The following LRP3 variants were observed in gnomAD, a reference collection of about 807,000 sequenced individuals.
LRP3 encodes the protein LDL receptor related protein 3, also known as low-density lipoprotein receptor-related protein 3.
A neutral mutation model predicts 58.5 loss-of-function variants in LRP3; 49 were observed. That is an observed-to-expected ratio of 0.84 (90% CI 0.67 to 1.06). The LOEUF (loss-of-function observed/expected upper bound fraction) is 1.06. LRP3 is among the 50% of genes least tolerant of loss of function. The pLI is 0.00. For missense variants in LRP3, 1,019 were observed against 1,134.2 expected (o/e 0.90, Z 1.46); for synonymous variants, 485 against 492.2 (o/e 0.99, Z 0.20).
At position 33,207,549 on chromosome 19, in the gene LRP3, G is replaced by A. The variant is rs774094440; in HGVS notation, c.2287G>A (p.Asp763Asn). The A allele has an allele frequency of 2.2e-5, 36 of 1,604,692 alleles. No individual in the cohort carries two copies. Among genetic ancestry groups the A allele is most frequent in the Admixed American group, 3.3e-5 (2 of 59,946 alleles). ...PPCSPMLEAS[D>N]DEALLVC ...CTGCTCCCCAATGCTGGAGGCCAGC[G>A]ATGATGAGGCCCTGTTGGTCTGTTG... Residue 763 changes from aspartate (D) to asparagine (N), a missense_variant, in exon 7 of 7, where the codon GAT becomes AAT. By Grantham distance (23) the Asp-to-Asn change is conservative. This residue lies in a region of LRP3 where 427 missense variants were observed against 408.6 expected (regional missense o/e 1.04). Transcript: ENST00000253193.
rs1273939934 is a variant in LRP3 at position 33,206,330 on chromosome 19, C to T, written c.1560C>T (p.Phe520=). ...TGGTCATCGCGCTGGGCTGCGCCTT[C>T]AAGCTCTACTCACTGCGCACGCAGG... The part of the protein sequence containing the change: ...LLLVIALGCA[F]KLYSLRTQEY... Residue 520 remains phenylalanine (F), a synonymous_variant, in exon 5 of 7, where the codon TTC becomes TTT. Coordinates refer to ENST00000253193, the MANE Select transcript of LRP3 (RefSeq NM_002333.4). 2 of 1,601,184 alleles carry T rather than the reference C, an allele frequency of 1.2e-6. No individual in the cohort carries two copies. The highest frequency in any genetic ancestry group is 2.2e-5 in the South Asian group (2 of 90,602).
chr19:33,194,899 C>T (rs1486103868), intron 1 of LRP3, 41 bp downstream of exon 1: 1 of 1,037,046 alleles, frequency 9.6e-7, no homozygotes, highest in Non-Finnish European at 1.2e-6. Context: ...GGGTCCCCCG[C>T]ATGGCAGTCC....
intron 2 of LRP3, among the ~76,000 whole-genome samples, chr19:33,201,399 G>A (rs902042175): frequency 1.9e-4 from 29 of 149,112 alleles, no homozygotes; most frequent in African/African-American, 6.2e-4. Flanking sequence ...GTGAGAGATC[G>A]GAGAGGTCCG....
rs1156444637 is a variant in LRP3 at position 33,205,998 on chromosome 19, G to A, written c.1228G>A (p.Glu410Lys). The A allele has an allele frequency of 1.3e-6, 2 of 1,576,350 alleles. No homozygotes were observed. Among genetic ancestry groups the A allele is most frequent in the Non-Finnish European group, 1.7e-6 (2 of 1,161,340 alleles). The change falls in exon 5 of 7, where the codon GAG (glutamate) becomes AAG (lysine). Residue 410 changes from glutamate (E) to lysine (K), a missense_variant. Coordinates refer to ENST00000253193, the MANE Select transcript of LRP3 (RefSeq NM_002333.4). ...GWWHCASGRD[E>K]QGCPACPPDQ... ...GTGGCATTGTGCCAGCGGCCGAGAC[G>A]AGCAGGGCTGCCCTGCCTGCCCGCC... is the stretch of plus-strand genomic sequence containing the variant.
rs201999025 is a variant in LRP3, at chr19:33,206,102, C to G, written c.1332C>G (p.Pro444=). The G allele has an allele frequency of 5.0e-6, 8 of 1,609,062 alleles. No homozygotes were observed. In the Admixed American group the frequency reaches 1.2e-4, roughly 24 times the overall value. Residue 444 remains proline, a synonymous_variant, in exon 5 of 7, where the codon CCC becomes CCG. Coordinates refer to ENST00000253193, the MANE Select transcript of LRP3 (RefSeq NM_002333.4). ...ADRCNNQKSC[P]DGADEKNCFS... ...GCTGCAACAACCAGAAAAGCTGTCC[C>G]GACGGCGCCGACGAGAAGAACTGCT...
At position 33,204,708 on chromosome 19, in the gene LRP3, C is replaced by T; in HGVS notation, c.331C>T (p.Pro111Ser). The change falls in exon 4 of 7, where the codon CCA becomes TCA. Residue 111 changes from proline to serine, a missense_variant. Physicochemically the swap from Pro to Ser is moderately conservative, Grantham distance 74. This residue lies in a region of LRP3 where 592 missense variants were observed against 725.5 expected (regional missense o/e 0.82). Transcript: ENST00000253193. ...LDWLLLGPAA[P>S]PRQEAFRLCG... The stretch of plus-strand genomic sequence containing the variant: ...CTGGCTCCTGCTGGGCCCAGCAGCC[C>T]CACCCCGCCAGGAGGCCTTCCGCCT... 2.5e-6 allele frequency: 4 copies of T among 1,610,388 alleles called. No homozygotes were observed. The highest frequency in any genetic ancestry group is 3.4e-6 in the Non-Finnish European group (4 of 1,179,908).
chr19:33,206,229 C>CAT lies in LRP3; in HGVS notation c.1460_1461dup (p.Gly488MetfsTer51). ...AGACTGCCAGGACGGCAGCGATGAGCATGGGTGCCTGGCCGCCGTGCCCCG... is the reference window on the plus strand; with the variant it reads ...AGACTGCCAGGACGGCAGCGATGAGCATATGGGTGCCTGGCCGCCGTGCCCCG... On this transcript the variant is annotated frameshift_variant, in exon 5 of 7. Transcript: ENST00000253193. LOFTEE classifies it high-confidence loss of function. 6.3e-7 allele frequency: 1 copy of CAT among 1,597,458 alleles called. No individual in the cohort carries two copies. Among genetic ancestry groups the CAT allele is most frequent in the Middle Eastern group, 1.7e-4 (1 of 6,046 alleles).
In LRP3 at chr19:33,207,137, G is replaced by A. The variant is rs1453043022; in HGVS notation, c.1875G>A (p.Leu625=). Reference sequence around the variant, plus strand: ...CGCCCCGAGGCCAGATCCCACTGCTGACCGCAGCACGCCCCTCACAGACCG... The same window carrying A: ...CGCCCCGAGGCCAGATCCCACTGCTAACCGCAGCACGCCCCTCACAGACCG... ...PRAPRGQIPL[L]TAARPSQTVL... The change falls in exon 7 of 7, where the codon CTG becomes CTA. Residue 625 remains leucine (L), a synonymous_variant. Transcript: ENST00000253193. 1 of 1,533,588 alleles carries A rather than the reference G, an allele frequency of 6.5e-7. No homozygotes were observed. The highest frequency in any genetic ancestry group is 2.4e-5 in the East Asian group (1 of 40,928). The allele number at this position is 1,533,588 out of a possible 1,614,324, so 95.0% of individuals were successfully genotyped here. A position where few individuals can be genotyped will look rare whatever the true frequency, so the allele number is the denominator to read the frequency against.
chr19:33,204,922 C>T (rs1008729953), intron 4 of LRP3, 70 bp downstream of exon 4: 8 of 1,457,722 alleles, frequency 5.5e-6, no homozygotes, highest in Admixed American at 1.8e-5. Flanking sequence ...TCCCGGCCCA[C>T]AGGGGCGGCA....
intron 6 of LRP3, 56 bp from the exon 7 acceptor site, chr19:33,206,932 A>G (rs1375277917): frequency 7.6e-7 from 1 of 1,314,390 alleles, no homozygotes; most frequent in East Asian, 2.7e-5. Flanking sequence ...GCCCCTGAGC[A>G]GCCTGTCTGC....
At position 33,208,047 on chromosome 19, in the gene LRP3, G is replaced by C. The variant is rs963257866; in HGVS notation, c.*472G>C. The C allele has an allele frequency of 5.9e-6, 1 of 170,384 alleles. No homozygotes were observed. Among genetic ancestry groups the C allele is most frequent in the African/African-American group, 2.4e-5 (1 of 41,622 alleles). 10.6% of individuals were successfully genotyped at this position (170,384 alleles called of 1,614,324 possible). A position where few individuals can be genotyped will look rare whatever the true frequency, so the allele number is the denominator to read the frequency against. ...AAGGCCTCTGGAGGACCTGGGTTGGGTGGCTCCTGCCAAACCCTCATGCCC... is the reference window on the plus strand; with the variant it reads ...AAGGCCTCTGGAGGACCTGGGTTGGCTGGCTCCTGCCAAACCCTCATGCCC... On this transcript the variant is annotated 3_prime_UTR_variant, in exon 7 of 7. Coordinates refer to ENST00000253193, the MANE Select transcript of LRP3 (RefSeq NM_002333.4). This position sits in a 1 kb window ranked among gnomAD's most constrained non-coding sequence, Gnocchi z 4.7.
Position 33,206,327 on chromosome 19 carries a change from C to T in LRP3, c.1557C>T (p.Ala519=). 3 of 1,600,652 alleles carry T rather than the reference C, an allele frequency of 1.9e-6. No individual in the cohort carries two copies. The highest frequency in any genetic ancestry group is 2.6e-6 in the Non-Finnish European group (3 of 1,173,850). The change falls in exon 5 of 7, where the codon GCC becomes GCT. Residue 519 remains alanine (A), a synonymous_variant. Transcript: ENST00000253193. ...GLLLVIALGC[A]FKLYSLRTQE... ...TGCTGGTCATCGCGCTGGGCTGCGC[C>T]TTCAAGCTCTACTCACTGCGCACGC...
chr19:33,195,158 G>T (rs889452806), intron 1 of LRP3, among the ~76,000 whole-genome samples: 3 of 152,194 alleles, frequency 2.0e-5, no homozygotes, highest in Non-Finnish European at 4.4e-5. Context: ...CCCGCGCTGA[G>T]CCTGGAGACG....
chr19:33,204,574 T>C, intron 3 of LRP3, 64 bp from the exon 4 acceptor site: 2 of 1,233,026 alleles, frequency 1.6e-6, no homozygotes, highest in South Asian at 2.5e-5. Flanking sequence ...CACTCCCTGC[T>C]GGTCCTCGGC....
chr19:33,195,020 C>T, intron 1 of LRP3, among the ~76,000 whole-genome samples, 162 bp downstream of exon 1: 1 of 151,940 alleles, frequency 6.6e-6, no homozygotes, highest in East Asian at 1.9e-4. Context: ...CCCGCCTGGC[C>T]CCGGGCCTGG....
Position 33,208,543 on chromosome 19 carries a change from G to A in LRP3, c.*968G>A. 1 of 370,268 alleles carries A rather than the reference G, an allele frequency of 2.7e-6. No homozygotes were observed. Among genetic ancestry groups the A allele is most frequent in the Non-Finnish European group, 5.1e-6 (1 of 195,990 alleles). The allele number at this position is 370,268 out of a possible 1,614,324, so 22.9% of individuals were successfully genotyped here. On this transcript the variant is annotated 3_prime_UTR_variant, in exon 7 of 7. Transcript: ENST00000253193. This position sits in a 1 kb window ranked among gnomAD's most constrained non-coding sequence, Gnocchi z 4.7. ...GTGTCAAGCAGCAAAGCCCCCTAAT[G>A]TCAAGAGCCTCCTCCAGGGCCTGCC...
At position 33,208,676 on chromosome 19, in the gene LRP3, CT is replaced by C. The variant is rs1345735967; in HGVS notation, c.*1102del. 1.6e-6 allele frequency: 1 copy of C among 632,626 alleles called. No individual in the cohort carries two copies. Among genetic ancestry groups the C allele is most frequent in the Non-Finnish European group, 2.7e-6 (1 of 369,128 alleles). The allele number at this position is 632,626 out of a possible 1,614,324, so 39.2% of individuals were successfully genotyped here. On this transcript the variant is annotated 3_prime_UTR_variant, in exon 7 of 7. Transcript: ENST00000253193. This position sits in a 1 kb window ranked among gnomAD's most constrained non-coding sequence, Gnocchi z 4.7. ...CCATAGCACGAGCGAACAGCCAGCC[CT>C]GTTTATTTATAGGCCTTTTCAGGAA...
intron 2 of LRP3, among the ~76,000 whole-genome samples, chr19:33,198,211 C>T (rs1008381070): frequency 2.6e-4 from 40 of 152,176 alleles, no homozygotes; most frequent in African/African-American, 9.2e-4. Flanking sequence ...AAAGTGCTTC[C>T]CTGGGGACTA....
chr19:33,201,505 G>A (rs1190843924), intron 2 of LRP3, among the ~76,000 whole-genome samples: 1 of 152,152 alleles, frequency 6.6e-6, no homozygotes, highest in African/African-American at 2.4e-5. Context: ...TAAGAGCATG[G>A]GAGGCAGCCA....
Sources: gnomAD v4.1 joint callset for allele counts (sites outside exome capture counted in the v4.1 genomes callset) on GRCh38, gnomAD v4.1.1 for gene constraint, gnomAD v4.1.1 regional missense constraint, Gnocchi (gnomAD v3.1) non-coding constraint, MANE v1.5 for transcripts, NCBI Gene and HGNC (gene_info 2026-07-23, HGNC 2026-07-21) for gene names.